The following RRN3 variants were observed in gnomAD, a reference collection of about 807,000 sequenced individuals.
The protein encoded by RRN3 is RNA polymerase I transcription factor RRN3, also known as RNA polymerase I-specific transcription initiation factor RRN3.
A neutral mutation model predicts 82.3 loss-of-function variants in RRN3; 38 were observed. The observed-to-expected ratio is 0.46, with a 90% CI of 0.36 to 0.61. The LOEUF (loss-of-function observed/expected upper bound fraction) is 0.61. Ranked by LOEUF, RRN3 falls within the 20% of genes least tolerant of loss-of-function variation. The probability of loss-of-function intolerance (pLI) is 0.00; values close to 1 mark genes in which losing one functional copy is unlikely to be tolerated. For synonymous variants in RRN3, 284 were observed against 284.3 expected, an observed-to-expected ratio of 1.00 and a Z score of 0.01; for missense variants, 726 against 793.1, an observed-to-expected ratio of 0.92 and a Z score of 1.02.
intron 3 of RRN3, among the ~76,000 whole-genome samples, chr16:15,086,873 C>T (rs888450278): frequency 6.6e-6 from 1 of 152,148 alleles, no homozygotes; most frequent in African/African-American, 2.4e-5. Flanking sequence ...AAAACTCAGT[C>T]GAGGCTGATC....
At position 15,065,324 on chromosome 16, in the gene RRN3, C is replaced by A. The variant is rs1597878146; in HGVS notation, c.1601G>T (p.Arg534Leu). 1 of 1,613,668 alleles carries A rather than the reference C, an allele frequency of 6.2e-7. No individual in the cohort carries two copies. The highest frequency in any genetic ancestry group is 8.5e-7 in the Non-Finnish European group (1 of 1,179,708). Reference protein sequence around the residue: ...FCYTIIERNNRQMLPVIRSTA... With the variant: ...FCYTIIERNNLQMLPVIRSTA... ...ACTCCTAATGACTGGCAGCATCTGG[C>A]GATTGTTCCTCTCAATGATGGTGTA... The change falls in exon 16 of 18, where the codon CGC becomes CTC. Residue 534 changes from arginine to leucine, a missense_variant. Physicochemically the swap from Arg to Leu is moderately radical, Grantham distance 102. Transcript: ENST00000198767.
intron 1 of RRN3, among the ~76,000 whole-genome samples, chr16:15,093,631 A>C (rs2046230007): frequency 6.6e-6 from 1 of 152,188 alleles, no homozygotes; most frequent in Admixed American, 6.5e-5. Flanking sequence ...TAATGAAAAA[A>C]CATAGCATCC....
intron 8 of RRN3, among the ~76,000 whole-genome samples, chr16:15,082,667 T>TC (rs1347927057): frequency 6.7e-6 from 1 of 149,122 alleles, no homozygotes; most frequent in East Asian, 2.0e-4. Flanking sequence ...ACGGAGACTG[T>TC]CCCCCCACCC....
rs2045348345 is a variant in RRN3, at chr16:15,074,040, A to G, written c.997+683T>C. 3.3e-5 allele frequency among the ~76,000 whole-genome samples: 5 copies of G among 152,252 alleles called. No homozygotes were observed. The South Asian group carries it at 1.0e-3, about 32-fold the overall frequency. On this transcript the variant is annotated intron_variant, in intron 11 of 17. Transcript: ENST00000198767. Reference sequence around the variant, plus strand: ...TCCTACATATACAGACGCTAACAGAAAAGGGAAAAAAGTCAAACTTCAAAA... The same window carrying G: ...TCCTACATATACAGACGCTAACAGAGAAGGGAAAAAAGTCAAACTTCAAAA...
intron 8 of RRN3, among the ~76,000 whole-genome samples, chr16:15,082,239 G>C (rs1033077192): frequency 6.6e-6 from 1 of 152,172 alleles, no homozygotes; most frequent in Admixed American, 6.5e-5. Flanking sequence ...CCTTTATCAG[G>C]TTGAGAAAAT....
At chr16:15,073,822 T>C (rs2045340740) in intron 11 of RRN3, among the ~76,000 whole-genome samples, 1 of 152,172 alleles carries the variant, frequency 6.6e-6, no homozygotes, top group South Asian at 2.1e-4. Context: ...TCTTGTTATG[T>C]TGCCCAGGAT....
At chr16:15,079,755 G>T (rs1238297152) in intron 9 of RRN3, among the ~76,000 whole-genome samples, 1 of 152,128 alleles carries the variant, frequency 6.6e-6, no homozygotes, top group Non-Finnish European at 1.5e-5. Context: ...ATCATGCCTG[G>T]CTAATTTTTT....
intron 8 of RRN3, among the ~76,000 whole-genome samples, 195 bp downstream of exon 8, chr16:15,083,318 G>C (rs529910119): frequency 4.8e-4 from 73 of 152,134 alleles, no homozygotes; most frequent in Non-Finnish European, 9.4e-4. Context: ...AGAATCGCTT[G>C]AACCCGAGAG....
At chr16:15,076,530 T>C (rs754130918) in intron 10 of RRN3, 28 bp downstream of exon 10, 6 of 1,433,296 alleles carry the variant, frequency 4.2e-6, no homozygotes, top group Non-Finnish European at 5.9e-6. Flanking sequence ...ATAAACTTCA[T>C]CTCCACTTTC....
chr16:15,087,409 G>A (rs1248343966), intron 3 of RRN3, among the ~76,000 whole-genome samples: 1 of 152,148 alleles, frequency 6.6e-6, no homozygotes, highest in Non-Finnish European at 1.5e-5. Context: ...CAAGAGGCCA[G>A]TAAAGAAGCA....
intron 11 of RRN3, among the ~76,000 whole-genome samples, chr16:15,074,271 A>C (rs1230357924): frequency 6.6e-6 from 1 of 152,186 alleles, no homozygotes; most frequent in African/African-American, 2.4e-5. Flanking sequence ...AATGGAAAAA[A>C]ATTCTGTTTT....
intron 1 of RRN3, among the ~76,000 whole-genome samples, chr16:15,093,463 C>A (rs1442750422): frequency 6.6e-6 from 1 of 152,254 alleles, no homozygotes; most frequent in African/African-American, 2.4e-5. Flanking sequence ...CTGCCTTTCC[C>A]CCCTATGCTG....
intron 3 of RRN3, among the ~76,000 whole-genome samples, chr16:15,086,983 C>T (rs2045935891): frequency 6.6e-6 from 1 of 152,156 alleles, no homozygotes; most frequent in Non-Finnish European, 1.5e-5. Flanking sequence ...TAGCCCCATT[C>T]CTCCATGAAA....
At chr16:15,067,071 C>T (rs2045011433) in intron 15 of RRN3, among the ~76,000 whole-genome samples, 1 of 142,670 alleles carries the variant, frequency 7.0e-6, no homozygotes, top group Non-Finnish European at 1.6e-5. Flanking sequence ...CACCCACTCA[C>T]TGCCGTTGCT....
In RRN3 at chr16:15,061,627, G is replaced by A; in HGVS notation, c.*117C>T. ...TCGAACCTGGAAGTGCCACAGCCGA[G>A]GCAGGCACTCGCTCTAGTTCAATGC... On this transcript the variant is annotated 3_prime_UTR_variant, in exon 18 of 18. Transcript: ENST00000198767. 1.1e-6 allele frequency: 1 copy of A among 917,442 alleles called. No individual in the cohort carries two copies. The highest frequency in any genetic ancestry group is 2.0e-5 in the South Asian group (1 of 48,904). The allele number at this position is 917,442 out of a possible 1,614,324, so 56.8% of individuals were successfully genotyped here. A position where few individuals can be genotyped will look rare whatever the true frequency, so the allele number is the denominator to read the frequency against.
At chr16:15,078,150 G>C (rs1183386377) in intron 9 of RRN3, among the ~76,000 whole-genome samples, 1 of 152,168 alleles carries the variant, frequency 6.6e-6, no homozygotes, top group African/African-American at 2.4e-5. Flanking sequence ...ACCAGAGAAA[G>C]ACTATAAAGA....
chr16:15,086,087 A>G, intron 5 of RRN3, 42 bp downstream of exon 5: 1 of 1,565,444 alleles, frequency 6.4e-7, no homozygotes, highest in Non-Finnish European at 8.7e-7. Flanking sequence ...ATTTTAATAA[A>G]GAAGTATTAA....
At chr16:15,063,533 C>G (rs1490043209) in intron 16 of RRN3, among the ~76,000 whole-genome samples, 1 of 151,582 alleles carries the variant, frequency 6.6e-6, no homozygotes, top group African/African-American at 2.4e-5. Context: ...ACGGTGAAAC[C>G]CCATCTCTAC....
chr16:15,080,024 T>C lies in RRN3; in HGVS notation c.739A>G (p.Ile247Val). 5 of 1,599,378 alleles carry C rather than the reference T, an allele frequency of 3.1e-6. No homozygotes were observed. Among genetic ancestry groups the C allele is most frequent in the Non-Finnish European group, 4.3e-6 (5 of 1,173,106 alleles). Residue 247 changes from isoleucine to valine, a missense_variant, in exon 9 of 18, where the codon ATT becomes GTT. Ile to Val is a conservative substitution (Grantham distance 29). Around this residue, in one of 4 missense-constraint regions of RRN3, gnomAD observed 344 missense variants for 394.5 expected, o/e 0.87. Coordinates refer to ENST00000198767, the MANE Select transcript of RRN3 (RefSeq NM_018427.5). ...PTLRHEILEL[I>V]IEKLLKLDVN... ...TCCAACTTGAGTAGTTTTTCAATAA[T>C]AAGCTCCAGAATTTCATGCCTCAAG...
Sources: allele counts gnomAD v4.1 joint callset (sites outside exome capture counted in the v4.1 genomes callset), GRCh38; gene constraint gnomAD v4.1.1; regional missense constraint gnomAD v4.1.1; transcripts MANE v1.5; gene names NCBI Gene and HGNC (gene_info 2026-07-23, HGNC 2026-07-21).